MRPS5: variants seen among roughly 807,000 people sequenced by gnomAD.
MRPS5 encodes small ribosomal subunit protein uS5m.
MRPS5 carries 27 observed loss-of-function variants against 51.9 expected under a neutral mutation model. The observed-to-expected ratio is 0.52, with a 90% confidence interval of 0.38 to 0.72. MRPS5 has a LOEUF of 0.72. Among genes scored for constraint, MRPS5 ranks in the 30% least tolerant of loss-of-function variants. The pLI is 0.00. For synonymous variants in MRPS5, 196 were observed against 193.2 expected (o/e 1.01, Z -0.12); for missense variants, 570 against 545.7 (o/e 1.04, Z -0.44).
At chr2:95,121,414 G>A (rs1676445013) in intron 1 of MRPS5, among the ~76,000 whole-genome samples, 1 of 152,220 alleles carries the variant, frequency 6.6e-6, no homozygotes, top group Non-Finnish European at 1.5e-5. Context: ...GAACCCGGGG[G>A]TCGCACGCGC....
At chr2:95,102,302 T>TA (rs774613112) in intron 7 of MRPS5, among the ~76,000 whole-genome samples, 15 of 152,044 alleles carry the variant, frequency 9.9e-5, no homozygotes, top group Non-Finnish European at 1.9e-4. Context: ...ACACTCAATT[T>TA]AAAAAAAACT....
intron 10 of MRPS5, among the ~76,000 whole-genome samples, chr2:95,099,374 T>C (rs866941419): frequency 1.1e-3 from 173 of 152,320 alleles, no homozygotes; most frequent in African/African-American, 4.1e-3. Context: ...CATAGATGCA[T>C]TTTGAAAAGT....
intron 10 of MRPS5, among the ~76,000 whole-genome samples, chr2:95,094,005 G>A (rs1490958171): frequency 6.6e-6 from 1 of 152,154 alleles, no homozygotes; most frequent in Non-Finnish European, 1.5e-5. Flanking sequence ...TTAGACAAAT[G>A]GCTAACTAGA....
At chr2:95,121,575 C>T (rs1252113826) in intron 1 of MRPS5, among the ~76,000 whole-genome samples, 159 bp downstream of exon 1, 1 of 152,214 alleles carries the variant, frequency 6.6e-6, no homozygotes, top group Non-Finnish European at 1.5e-5. Flanking sequence ...AGGACGCGCG[C>T]AAGGTCACAC....
intron 7 of MRPS5, among the ~76,000 whole-genome samples, chr2:95,102,187 C>A (rs926041819): frequency 6.6e-6 from 1 of 150,760 alleles, no homozygotes; most frequent in Non-Finnish European, 1.5e-5. Flanking sequence ...TAACAAAGCA[C>A]GAGGCTACAG....
At position 95,121,793 on chromosome 2, in the gene MRPS5, C is replaced by CA. The variant is rs1558690307; in HGVS notation, c.-3_-2insT. On this transcript the variant is annotated 5_prime_UTR_variant, in exon 1 of 12. In the 5' UTR this introduces an upstream ATG that the reference lacks. Coordinates refer to ENST00000272418, the MANE Select transcript of MRPS5 (RefSeq NM_031902.5). ...CACAGCGCGCACCGCGGTCGCCATG[C>CA]TGGAGTCCGAGCCGCGCCTCGGCCT... 2.6e-6 allele frequency: 4 copies of CA among 1,545,626 alleles called. No individual in the cohort carries two copies. In the Admixed American group the frequency reaches 7.5e-5, roughly 29 times the overall value.
At chr2:95,104,153 T>G (rs1439531583) in intron 7 of MRPS5, 1 of 166,328 alleles carries the variant, frequency 6.0e-6, no homozygotes. Context: ...TTCCAGTCTT[T>G]TCTTGGCACA....
intron 10 of MRPS5, among the ~76,000 whole-genome samples, chr2:95,097,685 A>G (rs1675668014): frequency 6.6e-6 from 1 of 152,248 alleles, no homozygotes; most frequent in Non-Finnish European, 1.5e-5. Context: ...TACACCTTAT[A>G]CAAAAATTAA....
At chr2:95,097,431 C>T (rs2104402404) in intron 10 of MRPS5, among the ~76,000 whole-genome samples, 1 of 152,294 alleles carries the variant, frequency 6.6e-6, no homozygotes, top group African/African-American at 2.4e-5. Context: ...AGGCATCATG[C>T]TACCTGACTT....
chr2:95,094,427 AATT>A (rs1675560735), intron 10 of MRPS5, among the ~76,000 whole-genome samples: 1 of 152,230 alleles, frequency 6.6e-6, no homozygotes, highest in African/African-American at 2.4e-5. Context: ...CAAGACACAT[AATT>A]ATCAGATTCA....
At chr2:95,094,836 A>T (rs1675574303) in intron 10 of MRPS5, among the ~76,000 whole-genome samples, 1 of 152,228 alleles carries the variant, frequency 6.6e-6, no homozygotes, top group Admixed American at 6.5e-5. Context: ...TGGGAAAAAT[A>T]ATCAGTTAAC....
At chr2:95,109,185 TA>T (rs960459127) in intron 4 of MRPS5, among the ~76,000 whole-genome samples, 10 of 150,600 alleles carry the variant, frequency 6.6e-5, no homozygotes, top group African/African-American at 2.2e-4. Flanking sequence ...TCTTATAATT[TA>T]AAAAAAAAGT....
At chr2:95,115,224 C>T in intron 2 of MRPS5, 21 bp from the exon 3 acceptor site, 2 of 1,560,522 alleles carry the variant, frequency 1.3e-6, no homozygotes, top group South Asian at 1.2e-5. Flanking sequence ...ATGGGTTAAA[C>T]TTTGAGTTAG....
chr2:95,099,761 T>A (rs1264197261), intron 10 of MRPS5, among the ~76,000 whole-genome samples: 1 of 151,994 alleles, frequency 6.6e-6, no homozygotes, highest in Non-Finnish European at 1.5e-5. Flanking sequence ...TATTTGAGGG[T>A]TTTTTCCTGA....
intron 10 of MRPS5, chr2:95,093,083 C>T (rs1470914853): frequency 6.6e-6 from 1 of 152,342 alleles, no homozygotes; most frequent in African/African-American, 2.4e-5. Context: ...GGTCCCACGC[C>T]CATGGAACCT....
intron 10 of MRPS5, 112 bp downstream of exon 10, chr2:95,100,362 T>C: frequency 2.8e-6 from 2 of 721,542 alleles, no homozygotes; most frequent in Admixed American, 2.8e-5. Flanking sequence ...CTTTTACATT[T>C]TGGTGTTTCC....
chr2:95,095,864 AC>A (rs747565267), intron 10 of MRPS5, among the ~76,000 whole-genome samples: 2 of 152,228 alleles, frequency 1.3e-5, no homozygotes, highest in Non-Finnish European at 2.9e-5. Context: ...TCAGAGCAGC[AC>A]TGAAGGAAAC....
At chr2:95,112,811 T>C (rs1428014803) in intron 3 of MRPS5, among the ~76,000 whole-genome samples, 1 of 151,976 alleles carries the variant, frequency 6.6e-6, no homozygotes, top group East Asian at 2.0e-4. Context: ...GAGACCATCC[T>C]GGCTAACAAG....
intron 3 of MRPS5, among the ~76,000 whole-genome samples, chr2:95,112,203 T>C (rs1676141212): frequency 6.6e-6 from 1 of 152,122 alleles, no homozygotes; most frequent in African/African-American, 2.4e-5. Context: ...TAGCTGGGAT[T>C]ACAGGTGCCT....
Sources: allele counts gnomAD v4.1 joint callset (sites outside exome capture counted in the v4.1 genomes callset), GRCh38; gene constraint gnomAD v4.1.1; transcripts MANE v1.5; gene names NCBI Gene and HGNC (gene_info 2026-07-23, HGNC 2026-07-21).